Variants in INTS1 observed in about 807,000 individuals in gnomAD.
INTS1 encodes integrator complex subunit 1.
In INTS1, 137 loss-of-function variants were observed where a neutral mutation model predicts 241.6. The ratio of observed to expected loss-of-function variants is 0.57; its 90% CI spans 0.49 to 0.65. The LOEUF is 0.65. Among genes scored for constraint, INTS1 ranks in the 30% least tolerant of loss-of-function variants. The pLI is 0.00. For missense variants in INTS1, 3,073 were observed against 3,032.2 expected, an observed-to-expected ratio of 1.01 and a Z score of -0.32; for synonymous variants, 1,692 against 1,337.8, an observed-to-expected ratio of 1.26 and a Z score of -5.78.
chr7:1,485,298 G>C lies in INTS1; in HGVS notation c.3148C>G (p.Leu1050Val). Residue 1050 changes from leucine (L) to valine (V), a missense_variant, in exon 23 of 48, where the codon CTG becomes GTG. Physicochemically the swap from Leu to Val is conservative, Grantham distance 32. Coordinates refer to ENST00000404767, the MANE Select transcript of INTS1 (RefSeq NM_001080453.3). The part of the protein sequence containing the change: ...DSVRSTTALA[L>V]QQAIHMETDP... ...CCGGTCAGCGCCCTCACCTGCTGCA[G>C]GGCCAGGGCTGTGGTGCTCCTGACG... The C allele has an allele frequency of 6.2e-7, 1 of 1,607,738 alleles. No individual in the cohort carries two copies. The highest frequency in any genetic ancestry group is 8.5e-7 in the Non-Finnish European group (1 of 1,178,260).
In INTS1 at chr7:1,486,958, C is replaced by G; in HGVS notation, c.2790G>C (p.Glu930Asp). The G allele has an allele frequency of 6.2e-7, 1 of 1,607,638 alleles. No individual in the cohort carries two copies. The highest frequency in any genetic ancestry group is 8.5e-7 in the Non-Finnish European group (1 of 1,179,254). ...TGGCCTTCTGCTCCTTGCTCTCGCC[C>G]TCGTCGTCCTCCTCCCCGGAAGCAG... ...DDAASGEEDD[E>D]GESKEQKAKK... The change falls in exon 21 of 48, where the codon GAG (glutamate) becomes GAC (aspartate). Residue 930 changes from glutamate (E) to aspartate (D), a missense_variant. Glu to Asp is a conservative substitution (Grantham distance 45). Coordinates refer to ENST00000404767, the MANE Select transcript of INTS1 (RefSeq NM_001080453.3).
rs1783116404 is a variant in INTS1 at position 1,500,436 on chromosome 7, G to A, written c.350-70C>T. ...TCACCCCAAAGCCTCGGGACACCGG[G>A]AAGACCACGAGGAACCCAGAGCTCT... On this transcript the variant is annotated intron_variant, in intron 3 of 47. Coordinates refer to ENST00000404767, the MANE Select transcript of INTS1 (RefSeq NM_001080453.3). The A allele has an allele frequency of 9.1e-6, 13 of 1,430,008 alleles. No individual in the cohort carries two copies. In the East Asian group the frequency reaches 2.8e-4, roughly 30 times the overall value. The allele number at this position is 1,430,008 out of a possible 1,614,324, so 88.6% of individuals were successfully genotyped here.
At position 1,473,197 on chromosome 7, in the gene INTS1, G is replaced by A. The variant is rs778370198; in HGVS notation, c.5958-13C>T. The A allele has an allele frequency of 6.3e-6, 10 of 1,585,926 alleles. No individual in the cohort carries two copies. Among genetic ancestry groups the A allele is most frequent in the South Asian group, 3.3e-5 (3 of 89,926 alleles). On this transcript the variant is annotated splice_polypyrimidine_tract_variant and intron_variant, in intron 42 of 47. Coordinates refer to ENST00000404767, the MANE Select transcript of INTS1 (RefSeq NM_001080453.3). The stretch of plus-strand genomic sequence containing the variant: ...GAAGGACAGGTCGCTGGGGAGAGAA[G>A]ATGCTTTCACCTGGGAGGAAGACGC...
intron 16 of INTS1, 110 bp downstream of exon 16, chr7:1,492,886 GGGGAGCGGGGCGCA>G (rs1267882448): frequency 2.0e-5 from 11 of 564,046 alleles, no homozygotes; most frequent in African/African-American, 4.3e-5. Flanking sequence ...GGGCGGGAGT[GGGGAGCGGGGCGCA>G]GGCTTACCCG....
In INTS1 at chr7:1,476,889, G is replaced by A; in HGVS notation, c.4968C>T (p.Phe1656=). The part of the protein sequence containing the change: ...KGKGQAQVPS[F]RPYLLTLFTH... ...TGAAGAGGGTCAGGAGGTAGGGACG[G>A]AACGAGGGCACCTGGGCCTGACCTT... The change falls in exon 36 of 48, where the codon TTC becomes TTT. Residue 1656 remains phenylalanine (F), a synonymous_variant. Transcript: ENST00000404767. 6.2e-7 allele frequency: 1 copy of A among 1,612,266 alleles called. No homozygotes were observed. Among genetic ancestry groups the A allele is most frequent in the Non-Finnish European group, 8.5e-7 (1 of 1,179,702 alleles).
In INTS1 at chr7:1,478,769, C is replaced by A. The variant is rs1408939542; in HGVS notation, c.4446G>T (p.Arg1482Ser). Residue 1482 changes from arginine to serine, a missense_variant, in exon 32 of 48, where the codon AGG (arginine) becomes AGT (serine). Coordinates refer to ENST00000404767, the MANE Select transcript of INTS1 (RefSeq NM_001080453.3). ...CGGCTGAGGCCTGGCTGGCAAGCAT[C>A]CTGAGCTGTGCCCGCAGGGGCCCGC... ...VEGGPLRAQL[R>S]MLASQASAGR... The A allele has an allele frequency of 6.2e-7, 1 of 1,601,774 alleles. No individual in the cohort carries two copies. Among genetic ancestry groups the A allele is most frequent in the Non-Finnish European group, 8.5e-7 (1 of 1,175,212 alleles).
chr7:1,476,736 G>A (rs934834691), intron 36 of INTS1, 58 bp downstream of exon 36: 100 of 1,612,064 alleles, frequency 6.2e-5, no homozygotes, highest in Non-Finnish European at 7.8e-5. Flanking sequence ...GGCGCTGGGA[G>A]ATTTCTGGTG....
At chr7:1,471,824 C>A (rs1401764184) in intron 44 of INTS1, 183 bp from the exon 45 acceptor site, 3 of 617,612 alleles carry the variant, frequency 4.9e-6, no homozygotes, top group Non-Finnish European at 5.7e-6. Flanking sequence ...CCCGGCCCTG[C>A]CCCTACTAGT....
intron 26 of INTS1, 128 bp from the exon 27 acceptor site, chr7:1,482,835 CT>C: frequency 8.9e-7 from 1 of 1,123,538 alleles, no homozygotes; most frequent in Non-Finnish European, 1.3e-6. Flanking sequence ...GAGCACGGGG[CT>C]CCTGTGCTAG....
chr7:1,483,865 G>A lies in INTS1; in HGVS notation c.3430-12C>T. ...TCCTGAGACTCCGACTGTGGGAAAA[G>A]AGGTGGAGTCAGGCCGTAAGGTTCA... On this transcript the variant is annotated splice_polypyrimidine_tract_variant and intron_variant, in intron 25 of 47. Coordinates refer to ENST00000404767, the MANE Select transcript of INTS1 (RefSeq NM_001080453.3). 6.2e-7 allele frequency: 1 copy of A among 1,604,876 alleles called. No individual in the cohort carries two copies.
chr7:1,486,867 C>T, intron 21 of INTS1, 55 bp downstream of exon 21: 1 of 1,592,490 alleles, frequency 6.3e-7, no homozygotes, highest in Non-Finnish European at 8.5e-7. Flanking sequence ...CATGGGTTGC[C>T]CTGACAGGGG....
chr7:1,474,945 A>C, intron 39 of INTS1, 107 bp from the exon 40 acceptor site: 5 of 1,420,748 alleles, frequency 3.5e-6, no homozygotes, highest in Non-Finnish European at 4.7e-6. Context: ...GTGGCACGCC[A>C]TGAGCAGAGG....
rs777825890 is a variant in INTS1, at chr7:1,489,691, C to T, written c.2166-9G>A. The T allele has an allele frequency of 4.6e-6, 7 of 1,509,700 alleles. No individual in the cohort carries two copies. Among genetic ancestry groups the T allele is most frequent in the Non-Finnish European group, 5.3e-6 (6 of 1,125,004 alleles). 93.5% of individuals were successfully genotyped at this position (1,509,700 alleles called of 1,614,324 possible). A position where few individuals can be genotyped will look rare whatever the true frequency, so the allele number is the denominator to read the frequency against. On this transcript the variant is annotated splice_polypyrimidine_tract_variant and intron_variant, in intron 16 of 47. Transcript: ENST00000404767. ...GGTTCGGAGGCTGGTACCTGGAAGG[C>T]AGGGGCGCCCCGACTCAGGCCCAGC...
In INTS1 at chr7:1,503,146, T is replaced by C; in HGVS notation, c.104A>G (p.Gln35Arg). The stretch of plus-strand genomic sequence containing the variant: ...GGACGCCGTTTTCGATTCATTGGCC[T>C]GACCCTTTGAGCCCAGAGCAATGAA... ...GDFIALGSKG[Q>R]ANESKTASTL... Residue 35 changes from glutamine to arginine, a missense_variant, in exon 3 of 48, where the codon CAG becomes CGG. Transcript: ENST00000404767. The C allele has an allele frequency of 6.3e-7, 1 of 1,580,688 alleles. No individual in the cohort carries two copies. Among genetic ancestry groups the C allele is most frequent in the Non-Finnish European group, 8.6e-7 (1 of 1,160,024 alleles).
At chr7:1,470,728 C>T (rs1281710589) in intron 47 of INTS1, 36 bp from the exon 48 acceptor site, 5 of 1,496,638 alleles carry the variant, frequency 3.3e-6, no homozygotes, top group Non-Finnish European at 3.6e-6. Flanking sequence ...GTCACGCTGG[C>T]CACAACATCC....
intron 35 of INTS1, 112 bp downstream of exon 35, chr7:1,477,438 G>C: frequency 8.1e-7 from 1 of 1,236,072 alleles, no homozygotes; most frequent in Non-Finnish European, 1.1e-6. Flanking sequence ...TGAGAGCAGG[G>C]GGGGTGCTGG....
chr7:1,498,962 G>A lies in INTS1; in HGVS notation c.1137+13C>T, dbSNP rs1247988041. 3.4e-6 allele frequency: 4 copies of A among 1,169,876 alleles called. No individual in the cohort carries two copies. Among genetic ancestry groups the A allele is most frequent in the African/African-American group, 3.0e-5 (2 of 66,776 alleles). 72.5% of individuals were successfully genotyped at this position (1,169,876 alleles called of 1,614,324 possible). On this transcript the variant is annotated intron_variant, in intron 8 of 47. Transcript: ENST00000404767. ...CCCCCTGCCCCGCCCACCCCCCCGG[G>A]GCGCCCCCGCACCTTGGGGTTCTGC...
intron 16 of INTS1, 30 bp downstream of exon 16, chr7:1,492,980 G>A (rs1437098909): frequency 5.1e-6 from 8 of 1,560,806 alleles, no homozygotes; most frequent in Non-Finnish European, 7.0e-6. Flanking sequence ...GCTTACCCGG[G>A]CGGGAGTGGG....
In INTS1 at chr7:1,478,361, G is replaced by A; in HGVS notation, c.4630+5C>T. 3.7e-6 allele frequency: 6 copies of A among 1,611,778 alleles called. No homozygotes were observed. The highest frequency in any genetic ancestry group is 3.4e-6 in the Non-Finnish European group (4 of 1,179,076). On this transcript the variant is annotated splice_donor_5th_base_variant and intron_variant, in intron 33 of 47. Transcript: ENST00000404767. ...TGGCCCAAGAGGATGGTGCCAGGAA[G>A]GTACCTTTGCTGATCAGGTCCGGCT...
Sources: gnomAD v4.1 joint callset for allele counts on GRCh38, gnomAD v4.1.1 for gene constraint, MANE v1.5 for transcripts, NCBI Gene and HGNC (gene_info 2026-07-23, HGNC 2026-07-21) for gene names.